LIPF: variants seen among roughly 807,000 people sequenced by gnomAD.
LIPF encodes the protein lipase F, gastric type.
In LIPF, 25 loss-of-function variants were observed where a neutral mutation model predicts 38.0. That is an observed-to-expected ratio of 0.66 (90% CI 0.48 to 0.92). The LOEUF is 0.92. Among genes scored for constraint, LIPF ranks in the 40% least tolerant of loss-of-function variants. The probability of loss-of-function intolerance (pLI) is 0.00; values close to 1 mark genes in which losing one functional copy is unlikely to be tolerated. For missense variants in LIPF, 410 were observed against 469.9 expected (o/e 0.87, Z 1.18); for synonymous variants, 161 against 156.2 (o/e 1.03, Z -0.23).
chr10:88,675,645 C>T lies in LIPF; in HGVS notation c.876C>T (p.Phe292=). Residue 292 remains phenylalanine (F), a synonymous_variant, in exon 8 of 10, where the codon TTC becomes TTT. Coordinates refer to ENST00000238983, the MANE Select transcript of LIPF (RefSeq NM_004190.4). ...NPAGTSVQNM[F]HWTQAVKSGK... is the part of the protein sequence containing the mutation. ...CAGGAACTTCTGTTCAAAACATGTT[C>T]CATTGGACCCAGGTATTCTTTTCCA... The T allele has an allele frequency of 6.6e-7, 1 of 1,516,018 alleles. No individual in the cohort carries two copies. Among genetic ancestry groups the T allele is most frequent in the Non-Finnish European group, 9.0e-7 (1 of 1,113,456 alleles). 93.9% of individuals were successfully genotyped at this position (1,516,018 alleles called of 1,614,324 possible). A position where few individuals can be genotyped will look rare whatever the true frequency, so the allele number is the denominator to read the frequency against.
intron 2 of LIPF, 77 bp downstream of exon 2, chr10:88,667,479 T>C (rs1841530409): frequency 9.6e-7 from 1 of 1,039,662 alleles, no homozygotes; most frequent in Non-Finnish European, 1.5e-6. Flanking sequence ...AAAGATTTTA[T>C]ATGACCAATT....
chr10:88,675,096 G>A lies in LIPF; in HGVS notation c.817-490G>A, dbSNP rs993410676. On this transcript the variant is annotated intron_variant, in intron 7 of 9. Coordinates refer to ENST00000238983, the MANE Select transcript of LIPF (RefSeq NM_004190.4). ...ATTTGTTTCACTATGGCCACAGTCC[G>A]CTATATTAATGGCATTAAGAGTCAC... is the stretch of plus-strand genomic sequence containing the variant. Among the ~76,000 whole-genome samples the A allele has an allele frequency of 2.2e-4, 34 of 152,274 alleles. 1 individual carries two copies. The South Asian group carries it at 2.9e-3, about 13-fold the overall frequency.
intron 6 of LIPF, among the ~76,000 whole-genome samples, chr10:88,672,873 T>C (rs1400819970): frequency 2.6e-5 from 4 of 152,212 alleles, no homozygotes; most frequent in Middle Eastern, 3.2e-3. Context: ...AATTTTTTGA[T>C]GGCCCAGAAA....
At chr10:88,667,227 A>G in intron 1 of LIPF, 60 bp from the exon 2 acceptor site, 1 of 934,558 alleles carries the variant, frequency 1.1e-6, no homozygotes. Flanking sequence ...TTGGCATAAA[A>G]TATAAGCATT....
intron 4 of LIPF, 134 bp downstream of exon 4, chr10:88,668,890 T>C: frequency 1.4e-6 from 1 of 737,154 alleles, no homozygotes; most frequent in Non-Finnish European, 2.2e-6. Context: ...TTCTAATCCA[T>C]TCTTGGATTC....
chr10:88,676,515 C>T (rs1841689079), intron 9 of LIPF, among the ~76,000 whole-genome samples: 1 of 152,168 alleles, frequency 6.6e-6, no homozygotes, highest in Non-Finnish European at 1.5e-5. Context: ...CTTCCCAGGA[C>T]TTACCACTAC....
At chr10:88,676,121 T>C in intron 8 of LIPF, 88 bp from the exon 9 acceptor site, 2 of 731,914 alleles carry the variant, frequency 2.7e-6, no homozygotes, top group Non-Finnish European at 2.2e-6. Context: ...ATTGTTTAAA[T>C]TGAAAATAAA....
In LIPF at chr10:88,667,637, T is replaced by C. The variant is rs932868522; in HGVS notation, c.174T>C (p.Ile58=). 12 of 1,595,422 alleles carry C rather than the reference T, an allele frequency of 7.5e-6. No homozygotes were observed. The highest frequency in any genetic ancestry group is 9.5e-6 in the Non-Finnish European group (11 of 1,163,638). ...AAGTTGTGACTGAAGATGGTTATAT[T>C]CTTGAAGTCAATAGAATTCCTTATG... ...EYEVVTEDGY[I]LEVNRIPYGK... Residue 58 remains isoleucine (I), a synonymous_variant, in exon 3 of 10, where the codon ATT becomes ATC. Transcript: ENST00000238983.
Position 88,675,579 on chromosome 10 carries a change from T to C in LIPF, c.817-7T>C. The C allele has an allele frequency of 1.2e-6, 2 of 1,602,688 alleles. No individual in the cohort carries two copies. The highest frequency in any genetic ancestry group is 8.5e-7 in the Non-Finnish European group (1 of 1,169,976). ...TGTATATAATATGTGTGTCTGTTGA[T>C]TTCTAGAGTCGCTTGGATGTGTATC... On this transcript the variant is annotated splice_polypyrimidine_tract_variant and splice_region_variant and intron_variant, in intron 7 of 9. Transcript: ENST00000238983.
At chr10:88,665,164 A>G (rs1841492532) in intron 1 of LIPF, among the ~76,000 whole-genome samples, 1 of 152,188 alleles carries the variant, frequency 6.6e-6, no homozygotes, top group South Asian at 2.1e-4. Context: ...GTCCTCTTTT[A>G]GCCTTACCTT....
At chr10:88,678,367 TAC>T (rs1841719147) in intron 9 of LIPF, 76 bp from the exon 10 acceptor site, 3 of 1,041,254 alleles carry the variant, frequency 2.9e-6, no homozygotes, top group Non-Finnish European at 4.5e-6. Context: ...GTTAATGTTA[TAC>T]ACTCTACTTG....
rs368815533 is a variant in LIPF, at chr10:88,667,415, G to A, written c.105+13G>A. On this transcript the variant is annotated intron_variant, in intron 2 of 9. Transcript: ENST00000238983. ...GACTATGAACATTGTAAGTTACTCT[G>A]GGGAAAAACTCTATAAAACTAAAAG... The A allele has an allele frequency of 4.2e-5, 61 of 1,455,782 alleles. No individual in the cohort carries two copies. Among genetic ancestry groups the A allele is most frequent in the Middle Eastern group, 1.7e-4 (1 of 5,764 alleles). 90.2% of individuals were successfully genotyped at this position (1,455,782 alleles called of 1,614,324 possible). A position where few individuals can be genotyped will look rare whatever the true frequency, so the allele number is the denominator to read the frequency against.
chr10:88,676,608 T>C (rs574568431), intron 9 of LIPF, among the ~76,000 whole-genome samples: 49 of 152,344 alleles, frequency 3.2e-4, no homozygotes, highest in Middle Eastern at 6.8e-3. Flanking sequence ...ATACCTGATA[T>C]AATAAGCTAA....
At chr10:88,674,442 A>G (rs1396912840) in intron 7 of LIPF, among the ~76,000 whole-genome samples, 1 of 152,202 alleles carries the variant, frequency 6.6e-6, no homozygotes, top group Non-Finnish European at 1.5e-5. Flanking sequence ...TGCTGGGATT[A>G]CAGGCGTGAG....
intron 8 of LIPF, among the ~76,000 whole-genome samples, chr10:88,675,939 C>T (rs1841680023): frequency 6.6e-6 from 1 of 152,064 alleles, no homozygotes; most frequent in Non-Finnish European, 1.5e-5. Context: ...CCCACTAACT[C>T]GTCATTTAGC....
chr10:88,665,895 C>T (rs1841506004), intron 1 of LIPF, among the ~76,000 whole-genome samples: 1 of 151,888 alleles, frequency 6.6e-6, no homozygotes, highest in African/African-American at 2.4e-5. Context: ...GGCGCGCACA[C>T]CCGGCTAATT....
At chr10:88,667,263 G>A in intron 1 of LIPF, 24 bp from the exon 2 acceptor site, 1 of 1,296,796 alleles carries the variant, frequency 7.7e-7, no homozygotes, top group Non-Finnish European at 1.1e-6. Context: ...ATTAACCATG[G>A]CACGGGTTAT....
At chr10:88,677,985 C>T (rs11202808) in intron 9 of LIPF, among the ~76,000 whole-genome samples, 78,648 of 152,026 alleles carry the variant, frequency 0.52, 21,695 homozygotes, top group African/African-American at 0.71. Context: ...TGACTCAGGA[C>T]ATTTTGAGAT....
chr10:88,668,854 G>A, intron 4 of LIPF, 98 bp downstream of exon 4: 7 of 945,316 alleles, frequency 7.4e-6, no homozygotes, highest in Non-Finnish European at 1.1e-5. Flanking sequence ...TACACTCCAA[G>A]TAGGAGGATA....
Sources: allele counts gnomAD v4.1 joint callset (sites outside exome capture counted in the v4.1 genomes callset), GRCh38; gene constraint gnomAD v4.1.1; transcripts MANE v1.5; gene names NCBI Gene and HGNC (gene_info 2026-07-23, HGNC 2026-07-21).